Variants in NRG2 observed in about 807,000 individuals in gnomAD.
NRG2 encodes pro-neuregulin-2, membrane-bound isoform.
A neutral mutation model predicts 73.9 loss-of-function variants in NRG2; 27 were observed. The observed-to-expected ratio is 0.37, with a 90% CI of 0.27 to 0.50. The LOEUF (loss-of-function observed/expected upper bound fraction) is 0.50. Ranked by LOEUF, NRG2 falls within the 20% of genes least tolerant of loss-of-function variation. The pLI is 0.96. For synonymous variants in NRG2, 532 were observed against 541.0 expected (o/e 0.98, Z 0.23); for missense variants, 1,126 against 1,210.1 (o/e 0.93, Z 1.03).
intron 1 of NRG2, among the ~76,000 whole-genome samples, chr5:140,003,181 T>A (rs1758626802): frequency 6.6e-6 from 1 of 152,178 alleles, no homozygotes. Flanking sequence ...AGCTGCTACT[T>A]CATCAGTGGG....
rs1758312315 is a variant in NRG2 at position 139,999,999 on chromosome 5, C to A, written c.700+42371G>T. On this transcript the variant is annotated intron_variant, in intron 1 of 9. Transcript: ENST00000361474. ...GATGATGGGTTATTTTTATTCTTTT[C>A]TTTATACGCTCATGCATTTTCTACA... is the stretch of plus-strand genomic sequence containing the variant. 1.3e-5 allele frequency among the ~76,000 whole-genome samples: 2 copies of A among 152,206 alleles called. 1 individual carries two copies. The highest frequency in any genetic ancestry group is 4.8e-5 in the African/African-American group (2 of 41,464).
intron 1 of NRG2, among the ~76,000 whole-genome samples, chr5:140,031,003 AT>A (rs1287804006): frequency 2.0e-5 from 3 of 152,210 alleles, no homozygotes; most frequent in African/African-American, 7.2e-5. Flanking sequence ...ACTCCATGTT[AT>A]GTCCAAAAGA....
Position 139,852,415 on chromosome 5 carries a change from G to A in NRG2, c.1544+17C>T. Reference sequence around the variant, plus strand: ...TATGTGAGTCTACAAGTTTCCATGGGCCTTGGTGGTGCCTACCTGTGGCTG... The same window carrying A: ...TATGTGAGTCTACAAGTTTCCATGGACCTTGGTGGTGCCTACCTGTGGCTG... On this transcript the variant is annotated intron_variant, in intron 8 of 9. Coordinates refer to ENST00000361474, the MANE Select transcript of NRG2 (RefSeq NM_004883.3). This position sits in a 1 kb window ranked among gnomAD's most constrained non-coding sequence, Gnocchi z 4.4. The A allele has an allele frequency of 6.2e-7, 1 of 1,610,930 alleles. No homozygotes were observed. The highest frequency in any genetic ancestry group is 8.5e-7 in the Non-Finnish European group (1 of 1,178,780).
intron 1 of NRG2, among the ~76,000 whole-genome samples, chr5:139,940,895 G>A (rs562688047): frequency 6.6e-6 from 1 of 152,268 alleles, no homozygotes; most frequent in South Asian, 2.1e-4. Context: ...AAGTTCATCA[G>A]GAAGGGTATC....
intron 1 of NRG2, among the ~76,000 whole-genome samples, chr5:139,989,851 T>C (rs549942510): frequency 7.9e-5 from 12 of 151,162 alleles, no homozygotes; most frequent in South Asian, 2.1e-4. Flanking sequence ...TGCAGTGGCG[T>C]GATCTCGGCT....
At chr5:139,982,469 C>G (rs1281622992) in intron 1 of NRG2, among the ~76,000 whole-genome samples, 1 of 152,206 alleles carries the variant, frequency 6.6e-6, no homozygotes, top group African/African-American at 2.4e-5. Context: ...TTTCTAAACT[C>G]CTACAGCACT....
At chr5:140,022,563 T>C (rs1249480579) in intron 1 of NRG2, among the ~76,000 whole-genome samples, 3 of 152,210 alleles carry the variant, frequency 2.0e-5, no homozygotes, top group African/African-American at 7.2e-5. Context: ...CAGTCTTCTA[T>C]CAACAAGAGG....
At chr5:139,983,144 A>C (rs973400877) in intron 1 of NRG2, among the ~76,000 whole-genome samples, 3 of 151,692 alleles carry the variant, frequency 2.0e-5, no homozygotes, top group Non-Finnish European at 4.4e-5. Flanking sequence ...TCTCAGAGTC[A>C]CTCCCCTGGA....
chr5:140,041,793 G>A (rs1227921327), intron 1 of NRG2, among the ~76,000 whole-genome samples: 1 of 152,118 alleles, frequency 6.6e-6, no homozygotes, highest in Non-Finnish European at 1.5e-5. Flanking sequence ...GAAAACAGTA[G>A]CAGAAAAAGT....
intron 5 of NRG2, chr5:139,861,902 G>A (rs374320574): frequency 1.6e-5 from 7 of 440,424 alleles, no homozygotes; most frequent in Admixed American, 2.4e-5. Context: ...CACCTGGGAC[G>A]CAAAGAGGAT....
chr5:139,983,219 T>C (rs1192049636), intron 1 of NRG2, among the ~76,000 whole-genome samples: 1 of 152,208 alleles, frequency 6.6e-6, no homozygotes, highest in Non-Finnish European at 1.5e-5. Flanking sequence ...GGATCCAGCC[T>C]ATCTGAAGAT....
Position 139,996,604 on chromosome 5 carries a change from T to C in NRG2, c.700+45766A>G, listed in dbSNP as rs148740830. ...CTCATTTCTTCCAAGAAGGCTTCTC[T>C]TAACCAGATCCATCCAAAGTGCTTT... On this transcript the variant is annotated intron_variant, in intron 1 of 9. Transcript: ENST00000361474. 4.4e-3 allele frequency among the ~76,000 whole-genome samples: 669 copies of C among 152,340 alleles called. 4 individuals are homozygous for C. Among genetic ancestry groups the C allele is most frequent in the East Asian group, 0.031 (160 of 5,178 alleles).
intron 1 of NRG2, among the ~76,000 whole-genome samples, chr5:139,896,630 A>T (rs1214293582): frequency 6.6e-6 from 1 of 152,132 alleles, no homozygotes; most frequent in Non-Finnish European, 1.5e-5. Context: ...CTCTTCCAAG[A>T]TTGCTCCTTC....
chr5:139,987,927 G>A (rs1027881002), intron 1 of NRG2, among the ~76,000 whole-genome samples: 5 of 152,092 alleles, frequency 3.3e-5, no homozygotes, highest in Admixed American at 6.5e-5. Flanking sequence ...GGCGCACACC[G>A]CCATGCCTGG....
rs1400826198 is a variant in NRG2, at chr5:139,851,965, G to A, written c.1545-134C>T. On this transcript the variant is annotated intron_variant, in intron 8 of 9. Transcript: ENST00000361474. This position sits in a 1 kb window ranked among gnomAD's most constrained non-coding sequence, Gnocchi z 4.2. ...GCTCAATGCCCTTCTCCACTCTGGG[G>A]TGATGTGTATTGTTGCAAATGCCCA... 4 of 726,778 alleles carry A rather than the reference G, an allele frequency of 5.5e-6. No individual in the cohort carries two copies. In the South Asian group the frequency reaches 7.3e-5, roughly 13 times the overall value. 45.0% of individuals were successfully genotyped at this position (726,778 alleles called of 1,614,324 possible).
At chr5:139,907,036 ATGAGTG>A (rs1765281785) in intron 1 of NRG2, among the ~76,000 whole-genome samples, 1 of 152,074 alleles carries the variant, frequency 6.6e-6, no homozygotes. Flanking sequence ...ATGTGGGTAT[ATGAGTG>A]TGAGTGTGCA....
chr5:139,988,378 C>T lies in NRG2; in HGVS notation c.700+53992G>A, dbSNP rs1045850239. On this transcript the variant is annotated intron_variant, in intron 1 of 9. Coordinates refer to ENST00000361474, the MANE Select transcript of NRG2 (RefSeq NM_004883.3). ...TGTTCATATCATCTTCTATAATTGC[C>T]AAAACTTGAAAGCAACCGAGTTGGC... 2.0e-5 allele frequency among the ~76,000 whole-genome samples: 3 copies of T among 151,888 alleles called. 1 individual carries two copies. Among genetic ancestry groups the T allele is most frequent in the African/African-American group, 7.2e-5 (3 of 41,380 alleles).
chr5:139,850,789 T>TG (rs768537046), intron 9 of NRG2, among the ~76,000 whole-genome samples: 1 of 152,182 alleles, frequency 6.6e-6, no homozygotes, highest in African/African-American at 2.4e-5. Flanking sequence ...CCTTGAACCC[T>TG]GGGGTCTTGT....
intron 1 of NRG2, among the ~76,000 whole-genome samples, chr5:139,901,605 G>A (rs1228304680): frequency 2.0e-4 from 30 of 152,232 alleles, no homozygotes; most frequent in Admixed American, 1.6e-3. Flanking sequence ...GAAAGGCTTT[G>A]CAAAGATTTA....
Sources: allele counts gnomAD v4.1 joint callset (sites outside exome capture counted in the v4.1 genomes callset), GRCh38; gene constraint gnomAD v4.1.1; non-coding constraint Gnocchi (gnomAD v3.1); transcripts MANE v1.5; gene names NCBI Gene and HGNC (gene_info 2026-07-23, HGNC 2026-07-21).